The following RIPOR3 variants were observed in gnomAD, a reference collection of about 807,000 sequenced individuals.
RIPOR3 encodes the protein RIPOR family member 3.
In RIPOR3, 95 loss-of-function variants were observed where a neutral mutation model predicts 114.3. That is an observed-to-expected ratio of 0.83 (90% CI 0.70 to 0.99). The LOEUF (loss-of-function observed/expected upper bound fraction) is 0.99. Among genes scored for constraint, RIPOR3 ranks in the 50% least tolerant of loss-of-function variants. The probability of loss-of-function intolerance (pLI) is 0.00; values close to 1 mark genes in which losing one functional copy is unlikely to be tolerated. For synonymous variants in RIPOR3, 575 were observed against 543.8 expected (o/e 1.06, Z -0.80); for missense variants, 1,252 against 1,266.9 (o/e 0.99, Z 0.18).
At chr20:50,623,795 T>C (rs991326916) in intron 2 of RIPOR3, among the ~76,000 whole-genome samples, 1 of 152,160 alleles carries the variant, frequency 6.6e-6, no homozygotes, top group African/African-American at 2.4e-5. Context: ...AAGGGCTTTA[T>C]AGAAATATCT....
At chr20:50,594,089 C>A (rs557151792) in intron 17 of RIPOR3, among the ~76,000 whole-genome samples, 1 of 151,720 alleles carries the variant, frequency 6.6e-6, no homozygotes, top group Non-Finnish European at 1.5e-5. Flanking sequence ...GCCAATATGG[C>A]GAAACCCCGT....
At chr20:50,681,224 C>CAA (rs752151661) in intron 1 of RIPOR3, among the ~76,000 whole-genome samples, 5 of 47,766 alleles carry the variant, frequency 1.0e-4, no homozygotes, top group African/African-American at 2.3e-4. Context: ...AACTCTGTCT[C>CAA]AAAAAAAAAA....
At chr20:50,619,852 A>G in intron 3 of RIPOR3, 134 bp downstream of exon 3, 2 of 1,208,506 alleles carry the variant, frequency 1.7e-6, no homozygotes, top group Non-Finnish European at 2.3e-6. Context: ...ATACTTGCTT[A>G]CTAAACGAAT....
intron 1 of RIPOR3, among the ~76,000 whole-genome samples, chr20:50,663,857 G>C (rs1310910521): frequency 1.3e-5 from 2 of 151,514 alleles, no homozygotes; most frequent in Non-Finnish European, 2.9e-5. Flanking sequence ...CTGTCAACTC[G>C]AGCACATTAT....
At chr20:50,656,626 A>C (rs574419654) in intron 1 of RIPOR3, among the ~76,000 whole-genome samples, 58 of 151,814 alleles carry the variant, frequency 3.8e-4, no homozygotes, top group Admixed American at 1.6e-3. Context: ...CAGCCTCCTG[A>C]GTAGCTGGGA....
At chr20:50,636,920 C>T (rs965913734) in intron 1 of RIPOR3, 34 of 985,194 alleles carry the variant, frequency 3.5e-5, no homozygotes, top group Non-Finnish European at 4.1e-5. Context: ...GGCTTTTATG[C>T]CTGAGTCCCT....
chr20:50,608,445 G>A lies in RIPOR3; in HGVS notation c.900C>T (p.Ile300=), dbSNP rs540693764. ...TACCCAACTCCGTGATGTCCACCAC[G>A]ATGACCTGCGGCCGCGTCGTGAAGA... ...ADFFTTRPQV[I]VVDITELGTI... is the part of the protein sequence containing the mutation. The change falls in exon 11 of 22, where the codon ATC becomes ATT. Residue 300 remains isoleucine (I), a synonymous_variant. Coordinates refer to ENST00000327979, the MANE Select transcript of RIPOR3 (RefSeq NM_001290268.2). 11 of 1,613,990 alleles carry A rather than the reference G, an allele frequency of 6.8e-6. No homozygotes were observed. Among genetic ancestry groups the A allele is most frequent in the Non-Finnish European group, 9.3e-6 (11 of 1,179,940 alleles).
At chr20:50,606,698 C>A (rs1461270767) in intron 11 of RIPOR3, among the ~76,000 whole-genome samples, 5 of 151,636 alleles carry the variant, frequency 3.3e-5, no homozygotes, top group Non-Finnish European at 5.9e-5. Context: ...TGCTCGGGCC[C>A]ACTCCCACCC....
rs573702135 is a variant in RIPOR3 at position 50,652,009 on chromosome 20, G to A, written c.4-21153C>T. Among the ~76,000 whole-genome samples, 11 of 152,334 alleles carry A rather than the reference G, an allele frequency of 7.2e-5. No homozygotes were observed. In the East Asian group the frequency reaches 1.5e-3, roughly 21 times the overall value. ...ACCTTAGGTCTTTGAACTCCCCCTCGGAGTCTGGCACAGGCCTGAGTGGAG... is the reference window on the plus strand; with the variant it reads ...ACCTTAGGTCTTTGAACTCCCCCTCAGAGTCTGGCACAGGCCTGAGTGGAG... On this transcript the variant is annotated intron_variant, in intron 1 of 21. Transcript: ENST00000327979.
chr20:50,593,099 G>C lies in RIPOR3; in HGVS notation c.2310C>G (p.His770Gln). 6.2e-7 allele frequency: 1 copy of C among 1,614,118 alleles called. No individual in the cohort carries two copies. Among genetic ancestry groups the C allele is most frequent in the Non-Finnish European group, 8.5e-7 (1 of 1,180,034 alleles). The stretch of plus-strand genomic sequence containing the variant: ...AGACGCTCTGCCTCTGCAGGTAGCT[G>C]TGAAACTGGAACCAGGTAATGATCT... The part of the protein sequence containing the change: ...EEQIITWFQF[H>Q]SYLQRQSVSD... The change falls in exon 18 of 22, where the codon CAC becomes CAG. Residue 770 changes from histidine (H) to glutamine (Q), a missense_variant. By Grantham distance (24) the His-to-Gln change is conservative (BLOSUM62 0). Coordinates refer to ENST00000327979, the MANE Select transcript of RIPOR3 (RefSeq NM_001290268.2).
intron 1 of RIPOR3, among the ~76,000 whole-genome samples, chr20:50,652,078 C>A (rs1401133821): frequency 6.6e-6 from 1 of 152,360 alleles, no homozygotes; most frequent in Non-Finnish European, 1.5e-5. Context: ...CCTGAGGAAG[C>A]ATTTGCATTT....
chr20:50,601,790 C>T (rs747964386), intron 13 of RIPOR3, among the ~76,000 whole-genome samples: 1 of 152,182 alleles, frequency 6.6e-6, no homozygotes, highest in Non-Finnish European at 1.5e-5. Flanking sequence ...GCCACAGCCC[C>T]GCCCACCCAG....
intron 1 of RIPOR3, among the ~76,000 whole-genome samples, chr20:50,658,651 G>A (rs1318580150): frequency 6.6e-6 from 1 of 152,058 alleles, no homozygotes; most frequent in Non-Finnish European, 1.5e-5. Context: ...GTTACAGTGA[G>A]CTGTAATTGC....
chr20:50,620,504 G>A (rs2084358075), intron 2 of RIPOR3, among the ~76,000 whole-genome samples: 1 of 152,098 alleles, frequency 6.6e-6, no homozygotes, highest in Non-Finnish European at 1.5e-5. Context: ...GTACGTGCCT[G>A]TAATCCCACT....
Position 50,620,071 on chromosome 20 carries a change from C to G in RIPOR3, c.184G>C (p.Gly62Arg), listed in dbSNP as rs770467015. ...CAGACCGACCCCTTCCGCAGCGTGC[C>G]GTACATCTTGGAGGATTTTGCAGGC... ...RMPAKSSKMYGTLRKGSVCAD... is the reference protein window; with the variant it reads ...RMPAKSSKMYRTLRKGSVCAD... The change falls in exon 3 of 22, where the codon GGC becomes CGC. Residue 62 changes from glycine to arginine, a missense_variant. By Grantham distance (125) the Gly-to-Arg change is moderately radical. Coordinates refer to ENST00000327979, the MANE Select transcript of RIPOR3 (RefSeq NM_001290268.2). The G allele has an allele frequency of 6.2e-6, 10 of 1,614,172 alleles. No homozygotes were observed. The South Asian group carries it at 1.1e-4, about 18-fold the overall frequency.
chr20:50,602,908 G>A lies in RIPOR3; in HGVS notation c.1087-264C>T, dbSNP rs190752928. 9.3e-3 allele frequency among the ~76,000 whole-genome samples: 1,409 copies of A among 152,254 alleles called. 13 individuals are homozygous for A. The highest frequency in any genetic ancestry group is 0.016 in the Non-Finnish European group (1,062 of 68,016). ...TCATGCCCTGTGGGCTGGGCCCCAC[G>A]TTCCTGCCTCAGGGCCTTTGCACTG... is the stretch of plus-strand genomic sequence containing the variant. On this transcript the variant is annotated intron_variant, in intron 12 of 21. Transcript: ENST00000327979. The surrounding 1 kb of genome is among the most constrained non-coding windows in gnomAD (Gnocchi z 4.3).
At chr20:50,627,203 A>G (rs1187288948) in intron 2 of RIPOR3, among the ~76,000 whole-genome samples, 2 of 151,294 alleles carry the variant, frequency 1.3e-5, no homozygotes, top group African/African-American at 4.9e-5. Flanking sequence ...AAATTGTATT[A>G]AGAATTTCTA....
chr20:50,590,384 G>T (rs1298065220), intron 19 of RIPOR3, among the ~76,000 whole-genome samples: 1 of 152,206 alleles, frequency 6.6e-6, no homozygotes, highest in African/African-American at 2.4e-5. Flanking sequence ...CAGCGTCTGC[G>T]GCTGCAAAGG....
intron 1 of RIPOR3, among the ~76,000 whole-genome samples, chr20:50,668,764 C>T (rs949467436): frequency 2.0e-5 from 3 of 151,588 alleles, no homozygotes; most frequent in Non-Finnish European, 2.9e-5. Context: ...GGCTGAGGCG[C>T]GAGAATCACT....
Sources: gnomAD v4.1 joint callset for allele counts (sites outside exome capture counted in the v4.1 genomes callset) on GRCh38, gnomAD v4.1.1 for gene constraint, Gnocchi (gnomAD v3.1) non-coding constraint, MANE v1.5 for transcripts, NCBI Gene and HGNC (gene_info 2026-07-23, HGNC 2026-07-21) for gene names.